Variants in TAFA1 observed in about 807,000 individuals in gnomAD.
TAFA1 encodes TAFA chemokine like family member 1, also known as chemokine-like protein TAFA-1.
A neutral mutation model predicts 18.5 loss-of-function variants in TAFA1; 4 were observed. That is an observed-to-expected ratio of 0.22 (90% CI 0.11 to 0.49). The LOEUF is 0.49. Among genes scored for constraint, TAFA1 ranks in the 20% least tolerant of loss-of-function variants. The pLI, the probability that TAFA1 is intolerant of heterozygous loss-of-function variation, is 0.98. For synonymous variants in TAFA1, 56 were observed against 55.2 expected, an observed-to-expected ratio of 1.01 and a Z score of -0.06; for missense variants, 147 against 169.0, an observed-to-expected ratio of 0.87 and a Z score of 0.72.
rs150277413 is a variant in TAFA1 at position 68,008,575 on chromosome 3, C to T, written c.118+1831C>T. Among the ~76,000 whole-genome samples the T allele has an allele frequency of 9.1e-3, 1,387 of 152,228 alleles. 25 individuals are homozygous for T. Among genetic ancestry groups the T allele is most frequent in the African/African-American group, 0.032 (1,315 of 41,524 alleles). On this transcript the variant is annotated intron_variant, in intron 2 of 4. Transcript: ENST00000478136. ...TTGTCTGAGGCCACACAGGGAATAGCTGCCATTGGAGGTCAAATCAGCACG... is the reference window on the plus strand; with the variant it reads ...TTGTCTGAGGCCACACAGGGAATAGTTGCCATTGGAGGTCAAATCAGCACG...
chr3:68,161,091 A>C (rs966829423), intron 2 of TAFA1, among the ~76,000 whole-genome samples: 11 of 152,202 alleles, frequency 7.2e-5, no homozygotes, highest in Non-Finnish European at 1.3e-4. Context: ...ACATATATGT[A>C]ATGTTATGAT....
chr3:68,219,907 T>C (rs1438386294), intron 2 of TAFA1, among the ~76,000 whole-genome samples: 1 of 152,156 alleles, frequency 6.6e-6, no homozygotes, highest in Admixed American at 6.5e-5. Context: ...TTGCAGATTA[T>C]AGTTAGTTGC....
At chr3:68,487,616 G>C (rs946791887) in intron 3 of TAFA1, among the ~76,000 whole-genome samples, 5 of 151,920 alleles carry the variant, frequency 3.3e-5, no homozygotes, top group African/African-American at 1.2e-4. Context: ...GCTGGGCGTG[G>C]TGGCAGGTGC....
chr3:68,189,780 A>T (rs1019778509), intron 2 of TAFA1, among the ~76,000 whole-genome samples: 1 of 151,982 alleles, frequency 6.6e-6, no homozygotes, highest in Non-Finnish European at 1.5e-5. Context: ...TCAAATATAA[A>T]ATAAGATCAT....
rs72914766 is a variant in TAFA1 at position 68,427,096 on chromosome 3, C to T, written c.259+9676C>T. ...GTCATGGCACAGCACACCCAAAATC[C>T]TTGTCAGTTACCTAACTGCCATAAA... On this transcript the variant is annotated intron_variant, in intron 3 of 4. Transcript: ENST00000478136. 9.4e-3 allele frequency among the ~76,000 whole-genome samples: 1,423 copies of T among 151,852 alleles called. 18 individuals carry two copies. Among genetic ancestry groups the T allele is most frequent in the African/African-American group, 0.032 (1,332 of 41,498 alleles).
intron 3 of TAFA1, among the ~76,000 whole-genome samples, chr3:68,485,365 A>G (rs2072316580): frequency 1.3e-5 from 2 of 152,204 alleles, no homozygotes. Context: ...CAGTGGCCTA[A>G]ATAAATCTGT....
At chr3:68,386,939 C>T (rs1467729983) in intron 2 of TAFA1, among the ~76,000 whole-genome samples, 1 of 152,076 alleles carries the variant, frequency 6.6e-6, no homozygotes, top group Admixed American at 6.6e-5. Context: ...AGATCATTCT[C>T]TTGTGTGTAT....
At chr3:68,444,703 A>T (rs2071444577) in intron 3 of TAFA1, among the ~76,000 whole-genome samples, 2 of 150,614 alleles carry the variant, frequency 1.3e-5, no homozygotes, top group Admixed American at 1.3e-4. Context: ...AGGCCAAGTC[A>T]GGAGTATTAC....
intron 2 of TAFA1, among the ~76,000 whole-genome samples, chr3:68,128,166 C>T (rs962701231): frequency 1.3e-5 from 2 of 152,010 alleles, no homozygotes; most frequent in African/African-American, 4.8e-5. Context: ...TCAGTGGAGC[C>T]AAGACTCAGA....
At chr3:68,452,420 G>A (rs2071579757) in intron 3 of TAFA1, among the ~76,000 whole-genome samples, 1 of 151,480 alleles carries the variant, frequency 6.6e-6, no homozygotes, top group African/African-American at 2.4e-5. Flanking sequence ...CTACTCGGGA[G>A]GCTGAGACAG....
chr3:68,159,620 C>T (rs913765150), intron 2 of TAFA1, among the ~76,000 whole-genome samples: 4 of 152,116 alleles, frequency 2.6e-5, no homozygotes, highest in African/African-American at 9.7e-5. Flanking sequence ...CTTCACTGGA[C>T]ACTTCCTACA....
At chr3:68,365,876 A>G (rs1335978294) in intron 2 of TAFA1, among the ~76,000 whole-genome samples, 2 of 152,106 alleles carry the variant, frequency 1.3e-5, no homozygotes, top group African/African-American at 4.8e-5. Context: ...TCACAAGGTC[A>G]GGAGTTCGAG....
chr3:68,363,044 C>T (rs1309840981), intron 2 of TAFA1, among the ~76,000 whole-genome samples: 2 of 112,530 alleles, frequency 1.8e-5, no homozygotes, highest in Non-Finnish European at 3.4e-5. Flanking sequence ...TTGAATAAAA[C>T]TTTTCTCTAT....
intron 2 of TAFA1, among the ~76,000 whole-genome samples, chr3:68,267,770 G>A (rs891734799): frequency 6.6e-5 from 10 of 151,956 alleles, no homozygotes; most frequent in Non-Finnish European, 1.3e-4. Flanking sequence ...CTCTATGCAT[G>A]TTGTAACTTT....
chr3:68,073,382 A>G (rs1215600086), intron 2 of TAFA1, among the ~76,000 whole-genome samples: 1 of 152,250 alleles, frequency 6.6e-6, no homozygotes. Context: ...ACAGGACTAG[A>G]GCAATGGGCT....
At chr3:68,508,233 G>C (rs1326859341) in intron 3 of TAFA1, among the ~76,000 whole-genome samples, 1 of 143,228 alleles carries the variant, frequency 7.0e-6, no homozygotes, top group Non-Finnish European at 1.6e-5. Flanking sequence ...CCACCCATAT[G>C]ATCTTTTTTT....
chr3:68,296,272 G>A (rs982019842), intron 2 of TAFA1, among the ~76,000 whole-genome samples: 3 of 151,984 alleles, frequency 2.0e-5, no homozygotes, highest in Non-Finnish European at 4.4e-5. Flanking sequence ...TTTAAAACAT[G>A]TGACTTGTCT....
At chr3:68,216,139 G>A (rs1169802648) in intron 2 of TAFA1, among the ~76,000 whole-genome samples, 1 of 152,016 alleles carries the variant, frequency 6.6e-6, no homozygotes, top group Admixed American at 6.6e-5. Context: ...AAAGATTAGT[G>A]GTTGCCAGAA....
chr3:68,303,716 T>C (rs905942676), intron 2 of TAFA1, among the ~76,000 whole-genome samples: 1 of 152,174 alleles, frequency 6.6e-6, no homozygotes, highest in African/African-American at 2.4e-5. Flanking sequence ...CCCAAAGTGC[T>C]GGGATTACAG....
Sources: allele counts gnomAD v4.1 joint callset (sites outside exome capture counted in the v4.1 genomes callset), GRCh38; gene constraint gnomAD v4.1.1; transcripts MANE v1.5; gene names NCBI Gene and HGNC (gene_info 2026-07-23, HGNC 2026-07-21).